The following SPAG16 variants were observed in gnomAD, a reference collection of about 807,000 sequenced individuals.
The protein encoded by SPAG16 is sperm associated antigen 16.
SPAG16 carries 86 observed loss-of-function variants against 80.4 expected under a neutral mutation model. The observed-to-expected ratio is 1.07, with a 90% CI of 0.90 to 1.28. SPAG16 has a LOEUF of 1.28. Ranked by LOEUF, SPAG16 falls within the 50% of genes most tolerant of loss-of-function variation. The pLI is 0.00. For synonymous variants in SPAG16, 294 were observed against 265.9 expected (o/e 1.11, Z -1.03); for missense variants, 870 against 765.3 (o/e 1.14, Z -1.61).
intron 15 of SPAG16, among the ~76,000 whole-genome samples, chr2:214,348,163 A>G (rs953953637): frequency 6.6e-6 from 1 of 152,198 alleles, no homozygotes; most frequent in African/African-American, 2.4e-5. Context: ...AAGGTGTCAC[A>G]TGAAGAGGAG....
intron 5 of SPAG16, among the ~76,000 whole-genome samples, chr2:213,320,244 T>C (rs971512673): frequency 1.3e-5 from 2 of 152,004 alleles, no homozygotes; most frequent in African/African-American, 4.8e-5. Flanking sequence ...TACATTTATA[T>C]ATGATAATTG....
intron 11 of SPAG16, among the ~76,000 whole-genome samples, chr2:213,862,836 AG>A (rs1680540884): frequency 6.6e-6 from 1 of 152,208 alleles, no homozygotes; most frequent in Non-Finnish European, 1.5e-5. Flanking sequence ...TGTAAAACTT[AG>A]TCCACATGCT....
At chr2:213,332,615 CA>C (rs2064157805) in intron 5 of SPAG16, among the ~76,000 whole-genome samples, 1 of 151,846 alleles carries the variant, frequency 6.6e-6, no homozygotes, top group Non-Finnish European at 1.5e-5. Context: ...GATGTTGATT[CA>C]AAAATCAACA....
At chr2:214,301,586 T>C (rs1191321029) in intron 15 of SPAG16, among the ~76,000 whole-genome samples, 1 of 152,186 alleles carries the variant, frequency 6.6e-6, no homozygotes, top group Non-Finnish European at 1.5e-5. Context: ...ATGTTCATAG[T>C]AGTCTCATGA....
Position 213,769,871 on chromosome 2 carries a change from G to A in SPAG16, c.1071-92614G>A, listed in dbSNP as rs1052492254. On this transcript the variant is annotated intron_variant, in intron 10 of 15. Transcript: ENST00000331683. ...ACCCATCAAACCCCTATCAAGACAT[G>A]GAACATTGCTATCAACTCACAAAGT... Among the ~76,000 whole-genome samples the A allele has an allele frequency of 2.2e-4, 34 of 152,194 alleles. 1 individual carries two copies. Among genetic ancestry groups the A allele is most frequent in the African/African-American group, 7.7e-4 (32 of 41,518 alleles).
At chr2:213,975,192 T>C (rs78684991) in intron 12 of SPAG16, among the ~76,000 whole-genome samples, 37,154 of 150,724 alleles carry the variant, frequency 0.25, 6,070 homozygotes, top group African/African-American at 0.47. Flanking sequence ...TTATAGAATA[T>C]ATATCCCAAA....
chr2:214,170,486 A>G (rs1326008686), intron 15 of SPAG16, among the ~76,000 whole-genome samples: 2 of 152,050 alleles, frequency 1.3e-5, no homozygotes, highest in Non-Finnish European at 2.9e-5. Flanking sequence ...CTTGAAGTTC[A>G]ATAGCTTAGA....
Position 213,327,814 on chromosome 2 carries a change from G to A in SPAG16, c.536+10458G>A, listed in dbSNP as rs552629837. 1.1e-4 allele frequency among the ~76,000 whole-genome samples: 17 copies of A among 152,156 alleles called. No individual in the cohort carries two copies. In the South Asian group the frequency reaches 2.1e-3, roughly 19 times the overall value. On this transcript the variant is annotated intron_variant, in intron 5 of 15. Coordinates refer to ENST00000331683, the MANE Select transcript of SPAG16 (RefSeq NM_024532.5). The stretch of plus-strand genomic sequence containing the variant: ...CTTATTGTAGGAAGATAAATTTAGC[G>A]CTTAGAAGAATTGTGTGTGTCTGTT...
At chr2:214,364,182 T>C (rs1699340396) in intron 15 of SPAG16, among the ~76,000 whole-genome samples, 1 of 152,118 alleles carries the variant, frequency 6.6e-6, no homozygotes, top group Admixed American at 6.6e-5. Flanking sequence ...TTCCTGCTCC[T>C]TTCCTCTACT....
chr2:213,459,999 A>G (rs886557592), intron 9 of SPAG16, among the ~76,000 whole-genome samples: 1 of 152,158 alleles, frequency 6.6e-6, no homozygotes. Flanking sequence ...AAAATCGAAT[A>G]TATGTTCTAG....
chr2:213,890,343 T>C (rs1005167348), intron 11 of SPAG16, among the ~76,000 whole-genome samples: 2 of 152,086 alleles, frequency 1.3e-5, no homozygotes, highest in African/African-American at 4.8e-5. Context: ...AGTAATCTTA[T>C]TGTATTTTTC....
chr2:213,813,808 C>T (rs776987255), intron 10 of SPAG16, among the ~76,000 whole-genome samples: 1 of 152,172 alleles, frequency 6.6e-6, no homozygotes, highest in Admixed American at 6.5e-5. Context: ...CACAAACTCT[C>T]TCCCCACCAT....
At chr2:213,358,387 G>A (rs1183332153) in intron 7 of SPAG16, among the ~76,000 whole-genome samples, 2 of 152,122 alleles carry the variant, frequency 1.3e-5, no homozygotes, top group African/African-American at 4.8e-5. Context: ...ATCACTTTCA[G>A]GTACACCAAT....
intron 14 of SPAG16, among the ~76,000 whole-genome samples, chr2:214,122,990 C>G (rs1432774366): frequency 6.6e-6 from 1 of 151,612 alleles, no homozygotes; most frequent in Admixed American, 6.6e-5. Flanking sequence ...ATTTTTTAAA[C>G]TAAATATTTT....
intron 14 of SPAG16, among the ~76,000 whole-genome samples, chr2:214,129,788 C>T (rs1392397383): frequency 3.9e-5 from 6 of 152,032 alleles, no homozygotes; most frequent in African/African-American, 1.5e-4. Context: ...TTGATAATCA[C>T]TAACATTTTC....
intron 15 of SPAG16, among the ~76,000 whole-genome samples, chr2:214,202,131 C>T (rs79489080): frequency 0.027 from 4,074 of 152,262 alleles, 191 homozygotes; most frequent in African/African-American, 0.092. Context: ...CAGGTTTAAG[C>T]TACCATGCTC....
At chr2:213,772,605 G>A (rs2069318539) in intron 10 of SPAG16, among the ~76,000 whole-genome samples, 1 of 152,022 alleles carries the variant, frequency 6.6e-6, no homozygotes, top group South Asian at 2.1e-4. Context: ...TGACTGGTTA[G>A]TGCATCCTTT....
At chr2:213,818,353 A>C (rs2072698633) in intron 10 of SPAG16, among the ~76,000 whole-genome samples, 1 of 152,150 alleles carries the variant, frequency 6.6e-6, no homozygotes, top group Non-Finnish European at 1.5e-5. Flanking sequence ...GAGGAACTTT[A>C]TCTCAGGTCA....
At chr2:213,334,813 AGT>A (rs368125759) in intron 5 of SPAG16, among the ~76,000 whole-genome samples, 1 of 151,628 alleles carries the variant, frequency 6.6e-6, no homozygotes, top group Non-Finnish European at 1.5e-5. Context: ...TGGGAAGGGT[AGT>A]GTGTGTGTGT....
Sources: gnomAD v4.1 joint callset for allele counts (sites outside exome capture counted in the v4.1 genomes callset) on GRCh38, gnomAD v4.1.1 for gene constraint, MANE v1.5 for transcripts, NCBI Gene and HGNC (gene_info 2026-07-23, HGNC 2026-07-21) for gene names.